FBXL4: variants seen among roughly 807,000 people sequenced by gnomAD.
FBXL4 encodes the protein F-box and leucine rich repeat protein 4, also known as F-box/LRR-repeat protein 4.
A neutral mutation model predicts 58.9 loss-of-function variants in FBXL4; 40 were observed. The ratio of observed to expected loss-of-function variants is 0.68; its 90% CI spans 0.53 to 0.88. FBXL4 has a LOEUF of 0.88. Ranked by LOEUF, FBXL4 falls within the 40% of genes least tolerant of loss-of-function variation. The pLI is 0.00. For synonymous variants in FBXL4, 263 were observed against 265.5 expected (o/e 0.99, Z 0.09); for missense variants, 676 against 734.4 (o/e 0.92, Z 0.92).
At chr6:98,895,067 C>T (rs546299041) in intron 7 of FBXL4, among the ~76,000 whole-genome samples, 15 of 152,284 alleles carry the variant, frequency 9.9e-5, no homozygotes, top group Admixed American at 3.3e-4. Context: ...GAATACATCA[C>T]CTAGCTATCA....
rs373217770 is a variant in FBXL4 at position 98,905,702 on chromosome 6, G to T, written c.859-32C>A. On this transcript the variant is annotated intron_variant, in intron 5 of 9. Coordinates refer to ENST00000369244, the MANE Select transcript of FBXL4 (RefSeq NM_001278716.2). ...AAGACAGAGAAACCAAGATCATCAA[G>T]AGTGAAAAGCAGTATCATTCTATGA... is the stretch of plus-strand genomic sequence containing the variant. 6 of 1,604,694 alleles carry T rather than the reference G, an allele frequency of 3.7e-6. No individual in the cohort carries two copies. The African/African-American group carries it at 8.0e-5, about 21-fold the overall frequency.
intron 8 of FBXL4, among the ~76,000 whole-genome samples, chr6:98,878,295 C>CAGT (rs2128377458): frequency 6.6e-6 from 1 of 152,242 alleles, no homozygotes; most frequent in African/African-American, 2.4e-5. Context: ...AAAATGAGTT[C>CAGT]AGTAGTCAGG....
chr6:98,875,064 T>C (rs1417803621), intron 9 of FBXL4, among the ~76,000 whole-genome samples: 2 of 152,168 alleles, frequency 1.3e-5, no homozygotes, highest in African/African-American at 2.4e-5. Flanking sequence ...TAAAAAAAAC[T>C]AGCTTGAATT....
chr6:98,893,704 G>A (rs905413366), intron 7 of FBXL4, among the ~76,000 whole-genome samples: 9 of 152,040 alleles, frequency 5.9e-5, no homozygotes, highest in Admixed American at 2.6e-4. Context: ...GGGGTAAAGG[G>A]TTATTATGTT....
chr6:98,897,271 C>T, intron 7 of FBXL4: 1 of 985,164 alleles, frequency 1.0e-6, no homozygotes, highest in African/African-American at 1.7e-5. Flanking sequence ...TCAGAATGAA[C>T]AGTCCTACCC....
chr6:98,896,010 G>A (rs1313824369), intron 7 of FBXL4, among the ~76,000 whole-genome samples: 1 of 152,098 alleles, frequency 6.6e-6, no homozygotes, highest in Admixed American at 6.5e-5. Flanking sequence ...AGTGGTACCA[G>A]ATAATTTGTA....
At position 98,905,394 on chromosome 6, in the gene FBXL4, G is replaced by A. The variant is rs750183150; in HGVS notation, c.1103+32C>T. 56 of 1,604,668 alleles carry A rather than the reference G, an allele frequency of 3.5e-5. No individual in the cohort carries two copies. In the African/African-American group the frequency reaches 3.6e-4, roughly 10 times the overall value. On this transcript the variant is annotated intron_variant, in intron 6 of 9. Coordinates refer to ENST00000369244, the MANE Select transcript of FBXL4 (RefSeq NM_001278716.2). ...AATAAGTATAACCTGCTGCTGGGGG[G>A]GAAAAAAACTTCATCAAGGCTTTGT...
At chr6:98,924,576 T>G (rs1490782345) in intron 4 of FBXL4, among the ~76,000 whole-genome samples, 5 of 152,114 alleles carry the variant, frequency 3.3e-5, no homozygotes, top group Admixed American at 3.3e-4. Flanking sequence ...CAAAAGATCC[T>G]ACTCCATTTT....
Position 98,871,556 on chromosome 6 carries a change from GT to G in FBXL4, c.*2721del, listed in dbSNP as rs1340555458. ...TGTTACAACTGGTGGTGTTAAAAAT[GT>G]GTGAAGCAAAATGATTACGTTTGTC... On this transcript the variant is annotated 3_prime_UTR_variant, in exon 10 of 10. Coordinates refer to ENST00000369244, the MANE Select transcript of FBXL4 (RefSeq NM_001278716.2). The G allele has an allele frequency of 6.6e-6, 1 of 152,226 alleles. No homozygotes were observed. Among genetic ancestry groups the G allele is most frequent in the Non-Finnish European group, 1.5e-5 (1 of 68,032 alleles). The allele number at this position is 152,226 out of a possible 1,614,324, so 9.4% of individuals were successfully genotyped here. A position where few individuals can be genotyped will look rare whatever the true frequency, so the allele number is the denominator to read the frequency against.
chr6:98,923,318 C>T (rs1283600949), intron 4 of FBXL4, among the ~76,000 whole-genome samples: 1 of 152,106 alleles, frequency 6.6e-6, no homozygotes, highest in East Asian at 1.9e-4. Context: ...AAAAATTGCA[C>T]AGGAATAGTC....
intron 1 of FBXL4, among the ~76,000 whole-genome samples, chr6:98,945,446 T>C (rs765358834): frequency 6.6e-6 from 1 of 152,166 alleles, no homozygotes; most frequent in African/African-American, 2.4e-5. Flanking sequence ...AATATATTTA[T>C]TTTTAAAATC....
rs762351010 is a variant in FBXL4, at chr6:98,917,673, G to C, written c.559C>G (p.Gln187Glu). The C allele has an allele frequency of 1.2e-6, 2 of 1,612,990 alleles. No homozygotes were observed. The highest frequency in any genetic ancestry group is 4.5e-5 in the East Asian group (2 of 44,872). ...SERPTKVNASQARQFKPCIKQ... is the reference protein window; with the variant it reads ...SERPTKVNASEARQFKPCIKQ... The stretch of plus-strand genomic sequence containing the variant: ...ATACAAGGTTTAAACTGGCGAGCTT[G>C]GGAAGCATTCACCTTCGTAGGTCTC... The change falls in exon 5 of 10, where the codon CAA becomes GAA. Residue 187 changes from glutamine (Q) to glutamate (E), a missense_variant. Physicochemically the swap from Gln to Glu is conservative, Grantham distance 29. Coordinates refer to ENST00000369244, the MANE Select transcript of FBXL4 (RefSeq NM_001278716.2).
chr6:98,904,514 CTAAGT>C (rs1476473469), intron 6 of FBXL4, among the ~76,000 whole-genome samples: 14 of 152,202 alleles, frequency 9.2e-5, no homozygotes, highest in African/African-American at 3.1e-4. Context: ...TTTTTATAAT[CTAAGT>C]TGAGGAAACA....
intron 7 of FBXL4, among the ~76,000 whole-genome samples, chr6:98,888,856 TTCATA>T (rs777568053): frequency 2.0e-4 from 30 of 152,346 alleles, no homozygotes; most frequent in Middle Eastern, 6.8e-3. Flanking sequence ...AGAATACATG[TTCATA>T]AACAATGATT....
chr6:98,895,482 T>C (rs1582388602), intron 7 of FBXL4, among the ~76,000 whole-genome samples: 1 of 152,202 alleles, frequency 6.6e-6, no homozygotes, highest in Admixed American at 6.5e-5. Context: ...TTTAGGTAAA[T>C]AGCCAAGCTA....
chr6:98,941,228 A>G (rs1459332102), intron 1 of FBXL4, among the ~76,000 whole-genome samples: 1 of 121,746 alleles, frequency 8.2e-6, no homozygotes, highest in Admixed American at 8.8e-5. Flanking sequence ...ACTACTCAGG[A>G]AAAAAAAAAA....
At chr6:98,891,602 TG>T (rs1771228326) in intron 7 of FBXL4, among the ~76,000 whole-genome samples, 3 of 151,506 alleles carry the variant, frequency 2.0e-5, no homozygotes, top group African/African-American at 7.3e-5. Context: ...CAAAAAGACA[TG>T]GGGCTGGATG....
intron 5 of FBXL4, 91 bp from the exon 6 acceptor site, chr6:98,905,761 G>A (rs1771787405): frequency 4.8e-6 from 6 of 1,250,130 alleles, no homozygotes; most frequent in Non-Finnish European, 6.6e-6. Flanking sequence ...GAATAAAAGT[G>A]TCATACATTT....
chr6:98,936,003 C>T (rs1157109761), intron 1 of FBXL4, among the ~76,000 whole-genome samples: 1 of 151,948 alleles, frequency 6.6e-6, no homozygotes, highest in Non-Finnish European at 1.5e-5. Flanking sequence ...TTTACTTTAG[C>T]CAAATACTAG....
Sources: allele counts gnomAD v4.1 joint callset (sites outside exome capture counted in the v4.1 genomes callset), GRCh38; gene constraint gnomAD v4.1.1; transcripts MANE v1.5; gene names NCBI Gene and HGNC (gene_info 2026-07-23, HGNC 2026-07-21).